Variants in RAP1GAP2 observed in about 807,000 individuals in gnomAD.
The protein encoded by RAP1GAP2 is rap1 GTPase-activating protein 2.
A neutral mutation model predicts 95.0 loss-of-function variants in RAP1GAP2; 27 were observed. The ratio of observed to expected loss-of-function variants is 0.28; its 90% CI spans 0.21 to 0.39. The LOEUF (loss-of-function observed/expected upper bound fraction) is 0.39. RAP1GAP2 is among the 10% of genes least tolerant of loss of function. RAP1GAP2 has a pLI of 1.00. For missense variants in RAP1GAP2, 771 were observed against 970.0 expected, an observed-to-expected ratio of 0.79 and a Z score of 2.72; for synonymous variants, 373 against 380.9, an observed-to-expected ratio of 0.98 and a Z score of 0.24.
chr17:2,755,683 C>T (rs532607219), upstream of RAP1GAP2: 188 of 295,262 alleles, frequency 6.4e-4, no homozygotes, highest in African/African-American at 3.8e-3. Flanking sequence ...CTCCACCGTG[C>T]GGCCCGCGGA....
At chr17:3,017,947 GTA>G (rs1491471212) in intron 17 of RAP1GAP2, 112 bp from the exon 18 acceptor site, 34 of 906,872 alleles carry the variant, frequency 3.7e-5, no homozygotes, top group South Asian at 3.4e-5. Context: ...GTGTGTGTGT[GTA>G]TGTGTGCACG....
At chr17:2,853,913 C>T (rs1204380864) in intron 2 of RAP1GAP2, 3 of 978,978 alleles carry the variant, frequency 3.1e-6, no homozygotes, top group African/African-American at 1.8e-5. Context: ...GGGGCGCGGG[C>T]TCAGGGGCCG....
intron 24 of RAP1GAP2, 41 bp downstream of exon 24, chr17:3,032,490 C>T (rs761693111): frequency 1.4e-5 from 22 of 1,581,078 alleles, no homozygotes; most frequent in East Asian, 4.5e-5. Flanking sequence ...TGAGGGGGGA[C>T]GTGTGTTTCT....
At chr17:2,942,971 G>A (rs2043557012) in intron 3 of RAP1GAP2, among the ~76,000 whole-genome samples, 1 of 152,064 alleles carries the variant, frequency 6.6e-6, no homozygotes, top group Non-Finnish European at 1.5e-5. Context: ...GTTTCACCAT[G>A]TTGGTCAGGC....
chr17:2,841,306 T>A lies in RAP1GAP2; in HGVS notation c.80+40756T>A, dbSNP rs868776203. On this transcript the variant is annotated intron_variant, in intron 2 of 24. Coordinates refer to ENST00000254695, the MANE Select transcript of RAP1GAP2 (RefSeq NM_015085.5). Reference sequence around the variant, plus strand: ...AAAGTTACAAGAGATATGGGGAATTTTTTTTTTTTTTTTTTGAGACGGAGT... The same window carrying A: ...AAAGTTACAAGAGATATGGGGAATTATTTTTTTTTTTTTTTGAGACGGAGT... Among the ~76,000 whole-genome samples the A allele has an allele frequency of 7.4e-4, 109 of 147,008 alleles. 1 individual carries two copies. The Middle Eastern group carries it at 0.01, about 14-fold the overall frequency.
chr17:3,032,411 G>C lies in RAP1GAP2; in HGVS notation c.2185G>C (p.Gly729Arg). The C allele has an allele frequency of 6.2e-7, 1 of 1,613,954 alleles. No individual in the cohort carries two copies. Among genetic ancestry groups the C allele is most frequent in the Non-Finnish European group, 8.5e-7 (1 of 1,179,820 alleles). Residue 729 changes from glycine (G) to arginine (R), a missense_variant and splice_region_variant, in exon 24 of 25, where the codon GGT becomes CGT. Physicochemically the swap from Gly to Arg is moderately radical, Grantham distance 125 (BLOSUM62 -2). Transcript: ENST00000254695. ...CCTGTATGGATTTTTGTTGAAACAGGGTCACTAATGTGAAAGTGGAGTCCT... is the reference window on the plus strand; with the variant it reads ...CCTGTATGGATTTTTGTTGAAACAGCGTCACTAATGTGAAAGTGGAGTCCT... Reference protein sequence around the residue: ...DKLSHASSGAGH With the variant: ...DKLSHASSGARH
rs73312043 is a variant in RAP1GAP2, at chr17:2,891,217, G to T, written c.81-14067G>T. 5.1e-3 allele frequency among the ~76,000 whole-genome samples: 780 copies of T among 151,632 alleles called. 7 individuals are homozygous for T. The highest frequency in any genetic ancestry group is 0.018 in the African/African-American group (747 of 41,326). ...GGCTGGAGTGCAGTGCCACATTCAT[G>T]GCTTACTACAGTCTTGACCTCCAGG... is the stretch of plus-strand genomic sequence containing the variant. On this transcript the variant is annotated intron_variant, in intron 2 of 24. Coordinates refer to ENST00000254695, the MANE Select transcript of RAP1GAP2 (RefSeq NM_015085.5).
chr17:2,822,484 G>T (rs1009187528), intron 2 of RAP1GAP2, among the ~76,000 whole-genome samples: 2 of 151,998 alleles, frequency 1.3e-5, no homozygotes, highest in Admixed American at 6.6e-5. Flanking sequence ...AATTAGCCAG[G>T]TGTTGTGTGG....
intron 2 of RAP1GAP2, among the ~76,000 whole-genome samples, chr17:2,876,227 G>A (rs9897448): frequency 0.014 from 2,075 of 152,096 alleles, 51 homozygotes; most frequent in African/African-American, 0.047. Flanking sequence ...ATGAGCCACC[G>A]CGCCTGGCTA....
At chr17:2,803,213 C>T (rs999884278) in intron 2 of RAP1GAP2, among the ~76,000 whole-genome samples, 2 of 152,134 alleles carry the variant, frequency 1.3e-5, no homozygotes, top group African/African-American at 4.8e-5. Flanking sequence ...GATTGGGACC[C>T]CAGTGAGGTC....
At chr17:2,850,375 A>G (rs2071785376) in intron 2 of RAP1GAP2, among the ~76,000 whole-genome samples, 1 of 151,942 alleles carries the variant, frequency 6.6e-6, no homozygotes, top group Non-Finnish European at 1.5e-5. Flanking sequence ...AACTTAATAA[A>G]TTTATGTTTG....
upstream of RAP1GAP2, chr17:2,796,400 A>C (rs534820197): frequency 2.7e-5 from 27 of 1,009,282 alleles, 1 homozygote; most frequent in Middle Eastern, 2.5e-3. The surrounding 1 kb of genome is among the most constrained non-coding windows in gnomAD (Gnocchi z 4.7). Context: ...GCAGGCGAAG[A>C]GGGAGGTGCC....
At chr17:2,838,309 C>T (rs760317093) in intron 2 of RAP1GAP2, among the ~76,000 whole-genome samples, 7 of 152,086 alleles carry the variant, frequency 4.6e-5, no homozygotes, top group East Asian at 1.9e-4. Context: ...TGAGCCACGG[C>T]GCCCGGCCTT....
In RAP1GAP2 at chr17:2,965,365, G is replaced by C; in HGVS notation, c.493-175G>C. 1.6e-6 allele frequency: 1 copy of C among 608,078 alleles called. No individual in the cohort carries two copies. Among genetic ancestry groups the C allele is most frequent in the Non-Finnish European group, 2.9e-6 (1 of 341,758 alleles). 37.7% of individuals were successfully genotyped at this position (608,078 alleles called of 1,614,324 possible). A position where few individuals can be genotyped will look rare whatever the true frequency, so the allele number is the denominator to read the frequency against. ...TATTAAGCCCCTGGCACGGTGCCTG[G>C]CGCCTCCTGAGGATCCGGCCGTCGG... On this transcript the variant is annotated intron_variant, in intron 7 of 24. Coordinates refer to ENST00000254695, the MANE Select transcript of RAP1GAP2 (RefSeq NM_015085.5). The surrounding 1 kb of genome is among the most constrained non-coding windows in gnomAD (Gnocchi z 4.7).
At chr17:2,810,253 C>T (rs1253537250) in intron 2 of RAP1GAP2, among the ~76,000 whole-genome samples, 2 of 152,116 alleles carry the variant, frequency 1.3e-5, no homozygotes, top group Admixed American at 1.3e-4. Flanking sequence ...CCCCGATGGC[C>T]TTCCCTGGGG....
chr17:2,995,677 G>A (rs2045928437), intron 13 of RAP1GAP2, among the ~76,000 whole-genome samples: 2 of 152,254 alleles, frequency 1.3e-5, no homozygotes, highest in African/African-American at 4.8e-5. Context: ...TCTGGCCGAG[G>A]CCACACCTCA....
At chr17:2,933,834 G>T (rs2043227854) in intron 3 of RAP1GAP2, among the ~76,000 whole-genome samples, 1 of 152,258 alleles carries the variant, frequency 6.6e-6, no homozygotes, top group East Asian at 1.9e-4. Context: ...GAAGTTTCAG[G>T]TTGAAGACCG....
At chr17:2,832,357 G>T (rs975311254) in intron 2 of RAP1GAP2, among the ~76,000 whole-genome samples, 1 of 151,152 alleles carries the variant, frequency 6.6e-6, no homozygotes, top group African/African-American at 2.4e-5. Context: ...AGGAGATCGA[G>T]ATCATCCTGG....
At chr17:2,892,101 G>C (rs1037487072) in intron 2 of RAP1GAP2, among the ~76,000 whole-genome samples, 1 of 152,106 alleles carries the variant, frequency 6.6e-6, no homozygotes, top group African/African-American at 2.4e-5. Flanking sequence ...TGGGATGACA[G>C]GCGTGAGCCA....
Sources: allele counts gnomAD v4.1 joint callset (sites outside exome capture counted in the v4.1 genomes callset), GRCh38; gene constraint gnomAD v4.1.1; non-coding constraint Gnocchi (gnomAD v3.1); transcripts MANE v1.5; gene names NCBI Gene and HGNC (gene_info 2026-07-23, HGNC 2026-07-21).